Variants in SYT7 observed in about 807,000 individuals in gnomAD.
The protein encoded by SYT7 is synaptotagmin 7.
SYT7 carries 29 observed loss-of-function variants against 75.1 expected under a neutral mutation model. The ratio of observed to expected loss-of-function variants is 0.39; its 90% CI spans 0.29 to 0.53. SYT7 has a LOEUF of 0.53. Among genes scored for constraint, SYT7 ranks in the 20% least tolerant of loss-of-function variants. SYT7 has a pLI of 0.77. For synonymous variants in SYT7, 376 were observed against 401.7 expected, an observed-to-expected ratio of 0.94 and a Z score of 0.76; for missense variants, 693 against 953.2, an observed-to-expected ratio of 0.73 and a Z score of 3.59.
rs2064069473 is a variant in SYT7 at position 61,576,123 on chromosome 11, C to G, written c.31+4667G>C. ...AGCTCTGGGCACAGTCCAGCCCTTT[C>G]CACAAGTCCCATGCTGTCTGCCAAC... On this transcript the variant is annotated intron_variant, in intron 1 of 12. Coordinates refer to ENST00000539008, the MANE Select transcript of SYT7 (RefSeq NM_001365809.2). This position sits in a 1 kb window ranked among gnomAD's most constrained non-coding sequence, Gnocchi z 4.1. Among the ~76,000 whole-genome samples, 1 of 152,238 alleles carries G rather than the reference C, an allele frequency of 6.6e-6. No individual in the cohort carries two copies. Among genetic ancestry groups the G allele is most frequent in the Middle Eastern group, 3.2e-3 (1 of 316 alleles).
Position 61,524,618 on chromosome 11 carries a change from G to C in SYT7, c.1472-86C>G. 2 of 1,397,898 alleles carry C rather than the reference G, an allele frequency of 1.4e-6. No individual in the cohort carries two copies. Among genetic ancestry groups the C allele is most frequent in the Non-Finnish European group, 1.9e-6 (2 of 1,036,504 alleles). 86.6% of individuals were successfully genotyped at this position (1,397,898 alleles called of 1,614,324 possible). ...GGCAAGGAAGGCCCTGGGAAGAGGA[G>C]GCAGGCCCTGTGCCCTCCCGCTGCC... is the stretch of plus-strand genomic sequence containing the variant. On this transcript the variant is annotated intron_variant, in intron 9 of 12. Transcript: ENST00000539008. This position sits in a 1 kb window ranked among gnomAD's most constrained non-coding sequence, Gnocchi z 4.1.
upstream of SYT7, among the ~76,000 whole-genome samples, chr11:61,585,055 G>A (rs2064356994): frequency 6.6e-6 from 1 of 152,170 alleles, no homozygotes; most frequent in Non-Finnish European, 1.5e-5. Flanking sequence ...TCAGGGCCAG[G>A]AGTCCTGGGT....
chr11:61,561,897 T>C lies in SYT7; in HGVS notation c.32-5690A>G, dbSNP rs544546492. Reference sequence around the variant, plus strand: ...TTGTTGAATGTTCAATGCTTGTATATGTTATCTCATTTGTCACCCAAATAA... The same window carrying C: ...TTGTTGAATGTTCAATGCTTGTATACGTTATCTCATTTGTCACCCAAATAA... On this transcript the variant is annotated intron_variant, in intron 1 of 12. Transcript: ENST00000539008. Among the ~76,000 whole-genome samples the C allele has an allele frequency of 2.0e-5, 3 of 152,248 alleles. No homozygotes were observed. In the South Asian group the frequency reaches 6.2e-4, roughly 32 times the overall value.
Position 61,532,102 on chromosome 11 carries a change from A to G in SYT7, c.1200+887T>C, listed in dbSNP as rs2062730601. ...GTGGGGGCTCTGGTGCCAGGGCAGT[A>G]GGGGAGGGCTGGGAGCTCCCAAGCC... On this transcript the variant is annotated intron_variant, in intron 8 of 12. Coordinates refer to ENST00000539008, the MANE Select transcript of SYT7 (RefSeq NM_001365809.2). Among the ~76,000 whole-genome samples, 3 of 152,064 alleles carry G rather than the reference A, an allele frequency of 2.0e-5. No homozygotes were observed. The South Asian group carries it at 6.2e-4, about 32-fold the overall frequency.
intron 7 of SYT7, among the ~76,000 whole-genome samples, chr11:61,536,204 C>T (rs1401214457): frequency 6.6e-6 from 1 of 152,148 alleles, no homozygotes; most frequent in Non-Finnish European, 1.5e-5. Flanking sequence ...CCTCCACCCC[C>T]ACACCCGCCT....
intron 1 of SYT7, among the ~76,000 whole-genome samples, chr11:61,573,957 G>A (rs1334311277): frequency 2.6e-5 from 4 of 152,238 alleles, no homozygotes; most frequent in Admixed American, 6.5e-5. Flanking sequence ...GGATGGAGGC[G>A]CTAACGCATG....
intron 12 of SYT7, among the ~76,000 whole-genome samples, chr11:61,520,225 A>G (rs1175538709): frequency 1.3e-5 from 2 of 149,282 alleles, no homozygotes; most frequent in African/African-American, 4.9e-5. Context: ...TTTAAAAAGG[A>G]TGGTTGTGGC....
chr11:61,551,427 T>C lies in SYT7; in HGVS notation c.172A>G (p.Thr58Ala), dbSNP rs1400114368. Reference sequence around the variant, plus strand: ...CTGCGCCCACGCCCTGAGTCTGGCGTGCCCACCGTCTCCAAGGAATTCTTG... The same window carrying C: ...CTGCGCCCACGCCCTGAGTCTGGCGCGCCCACCGTCTCCAAGGAATTCTTG... ...RYKNSLETVG[T>A]PDSGRGRSEK... Residue 58 changes from threonine (T) to alanine (A), a missense_variant, in exon 3 of 13, where the codon ACG (threonine) becomes GCG (alanine). By Grantham distance (58) the Thr-to-Ala change is moderately conservative (BLOSUM62 0). Around this residue, in one of 2 missense-constraint regions of SYT7, gnomAD observed 487 missense variants for 593.2 expected, o/e 0.82. Coordinates refer to ENST00000539008, the MANE Select transcript of SYT7 (RefSeq NM_001365809.2). This position sits in a 1 kb window ranked among gnomAD's most constrained non-coding sequence, Gnocchi z 5.3. 6.2e-7 allele frequency: 1 copy of C among 1,613,924 alleles called. No individual in the cohort carries two copies.
intron 2 of SYT7, among the ~76,000 whole-genome samples, chr11:61,554,449 G>GAC (rs942736616): frequency 1.3e-5 from 2 of 151,370 alleles, no homozygotes; most frequent in Non-Finnish European, 2.9e-5. Flanking sequence ...CAGACAGACA[G>GAC]ACACACACAC....
intron 1 of SYT7, among the ~76,000 whole-genome samples, chr11:61,562,563 C>T (rs1178849638): frequency 6.6e-6 from 1 of 152,196 alleles, no homozygotes; most frequent in Non-Finnish European, 1.5e-5. Flanking sequence ...AGTTGGCACT[C>T]AATGGTGGTA....
chr11:61,533,189 G>T (rs1341054948), intron 7 of SYT7, 65 bp from the exon 8 acceptor site: 2 of 1,496,714 alleles, frequency 1.3e-6, no homozygotes, highest in Non-Finnish European at 8.9e-7. Flanking sequence ...ACCCCGGCCT[G>T]GGGGGTGGCA....
chr11:61,567,338 G>C (rs2063796794), intron 1 of SYT7, among the ~76,000 whole-genome samples: 1 of 142,160 alleles, frequency 7.0e-6, no homozygotes, highest in Non-Finnish European at 1.5e-5. Flanking sequence ...GCCATTGAGC[G>C]CCCCGCCCCC....
At chr11:61,531,154 T>C (rs754050637) in intron 8 of SYT7, 5 of 984,728 alleles carry the variant, frequency 5.1e-6, no homozygotes, top group Non-Finnish European at 6.0e-6. Flanking sequence ...TATCTTATCA[T>C]GGCTGTTAAC....
chr11:61,543,231 C>T (rs1385664919), intron 5 of SYT7, among the ~76,000 whole-genome samples: 2 of 152,160 alleles, frequency 1.3e-5, no homozygotes, highest in Admixed American at 6.5e-5. Flanking sequence ...TTTCAGGGTT[C>T]TTTGTTTCCA....
At position 61,547,144 on chromosome 11, in the gene SYT7, G is replaced by A. The variant is rs775140457; in HGVS notation, c.347+33C>T. On this transcript the variant is annotated intron_variant, in intron 4 of 12. Coordinates refer to ENST00000539008, the MANE Select transcript of SYT7 (RefSeq NM_001365809.2). ...GAAGGAGGGCGTGCGCGGATACTCG[G>A]TACATATGATCAAACCAGGTAAAGT... is the stretch of plus-strand genomic sequence containing the variant. 1.0e-5 allele frequency: 16 copies of A among 1,533,656 alleles called. No homozygotes were observed. The South Asian group carries it at 1.9e-4, about 18-fold the overall frequency.
At chr11:61,575,565 G>A (rs1190031316) in intron 1 of SYT7, among the ~76,000 whole-genome samples, 3 of 152,186 alleles carry the variant, frequency 2.0e-5, no homozygotes, top group Non-Finnish European at 4.4e-5. Flanking sequence ...ACCCATGTAT[G>A]CCACACAGCC....
intron 12 of SYT7, among the ~76,000 whole-genome samples, chr11:61,520,555 T>G (rs11605405): frequency 0.024 from 3,495 of 148,234 alleles, 79 homozygotes; most frequent in Non-Finnish European, 0.032. Flanking sequence ...TCAGGCACGG[T>G]GGCTCCTGCC....
intron 5 of SYT7, among the ~76,000 whole-genome samples, chr11:61,545,556 A>AACTTCTGGGTCT (rs2063160278): frequency 6.6e-6 from 1 of 152,236 alleles, no homozygotes; most frequent in Non-Finnish European, 1.5e-5. Flanking sequence ...GGAATGGCTC[A>AACTTCTGGGTCT]ACTTCTGGGT....
At chr11:61,582,122 C>A (rs563591015), upstream of SYT7, among the ~76,000 whole-genome samples, 4 of 151,166 alleles carry the variant, frequency 2.6e-5, no homozygotes, top group Admixed American at 6.6e-5. Context: ...ATGATGCCCC[C>A]CACACACACA....
Sources: gnomAD v4.1 joint callset for allele counts (sites outside exome capture counted in the v4.1 genomes callset) on GRCh38, gnomAD v4.1.1 for gene constraint, gnomAD v4.1.1 regional missense constraint, Gnocchi (gnomAD v3.1) non-coding constraint, MANE v1.5 for transcripts, NCBI Gene and HGNC (gene_info 2026-07-23, HGNC 2026-07-21) for gene names.